EYS: variants seen among roughly 807,000 people sequenced by gnomAD.
EYS encodes the protein protein eyes shut homolog.
EYS carries 250 observed loss-of-function variants against 282.1 expected under a neutral mutation model. The observed-to-expected ratio is 0.89, with a 90% CI of 0.80 to 0.98. The LOEUF (loss-of-function observed/expected upper bound fraction) is 0.98, where lower values mean the gene tolerates loss of function less well. Ranked by LOEUF, EYS falls within the 50% of genes least tolerant of loss-of-function variation. EYS has a pLI of 0.00. For missense variants in EYS, 4,016 were observed against 3,709.0 expected, an observed-to-expected ratio of 1.08 and a Z score of -2.15; for synonymous variants, 1,355 against 1,282.9, an observed-to-expected ratio of 1.06 and a Z score of -1.20.
chr6:64,420,440 C>A (rs1561984926), intron 28 of EYS, among the ~76,000 whole-genome samples: 1 of 152,070 alleles, frequency 6.6e-6, no homozygotes, highest in East Asian at 1.9e-4. Context: ...GTTACTTATG[C>A]AAATTTCTGT....
chr6:65,416,401 C>A (rs1452058831), intron 5 of EYS, among the ~76,000 whole-genome samples: 1 of 151,842 alleles, frequency 6.6e-6, no homozygotes, highest in Non-Finnish European at 1.5e-5. Flanking sequence ...TCAAAAAAGT[C>A]TCTATCTCTC....
intron 31 of EYS, among the ~76,000 whole-genome samples, chr6:64,176,235 T>C (rs1764630304): frequency 6.6e-6 from 1 of 152,090 alleles, no homozygotes; most frequent in African/African-American, 2.4e-5. Flanking sequence ...TTTCATTTTT[T>C]ACTCTGAATC....
intron 26 of EYS, among the ~76,000 whole-genome samples, chr6:64,540,259 G>A (rs1480011396): frequency 6.6e-6 from 1 of 152,094 alleles, no homozygotes; most frequent in East Asian, 1.9e-4. Context: ...CTCTGCTCAA[G>A]GAGCTCACCA....
At chr6:63,763,619 A>G (rs1255975167) in intron 40 of EYS, among the ~76,000 whole-genome samples, 2 of 151,508 alleles carry the variant, frequency 1.3e-5, no homozygotes, top group Non-Finnish European at 2.9e-5. Flanking sequence ...TCCTTCTTCA[A>G]TGGGCGCTCA....
chr6:64,624,275 A>T (rs1767533248), intron 23 of EYS, among the ~76,000 whole-genome samples: 1 of 152,116 alleles, frequency 6.6e-6, no homozygotes, highest in African/African-American at 2.4e-5. Flanking sequence ...AACAAAACTA[A>T]TCTAGCACCT....
intron 30 of EYS, among the ~76,000 whole-genome samples, chr6:64,280,340 A>G (rs1768261543): frequency 6.6e-6 from 1 of 152,090 alleles, no homozygotes; most frequent in Non-Finnish European, 1.5e-5. Flanking sequence ...ACTTAACCTC[A>G]CCTAGATAAG....
intron 12 of EYS, among the ~76,000 whole-genome samples, chr6:65,260,496 C>T (rs1205484748): frequency 6.6e-6 from 1 of 151,956 alleles, no homozygotes; most frequent in Non-Finnish European, 1.5e-5. Flanking sequence ...TTCAAGTACC[C>T]ACCACAATGC....
At chr6:65,245,985 T>C (rs1383366260) in intron 12 of EYS, among the ~76,000 whole-genome samples, 1 of 152,100 alleles carries the variant, frequency 6.6e-6, no homozygotes, top group Non-Finnish European at 1.5e-5. Context: ...ACCAACCTTG[T>C]TGTCTTTCTA....
intron 7 of EYS, among the ~76,000 whole-genome samples, chr6:65,399,959 G>A (rs368161068): frequency 1.3e-5 from 2 of 152,156 alleles, no homozygotes; most frequent in South Asian, 4.1e-4. Context: ...TAGTGTTACT[G>A]TAGAGTGTGA....
intron 31 of EYS, among the ~76,000 whole-genome samples, chr6:64,211,992 T>C (rs999260723): frequency 6.6e-6 from 1 of 151,996 alleles, no homozygotes; most frequent in African/African-American, 2.4e-5. Flanking sequence ...GGCATGTGCC[T>C]GTAATCCCAG....
intron 35 of EYS, among the ~76,000 whole-genome samples, chr6:63,918,902 A>T (rs959096644): frequency 9.2e-5 from 14 of 152,204 alleles, no homozygotes; most frequent in Non-Finnish European, 2.1e-4. Context: ...TAAGTCATGT[A>T]AAAGCTTTCA....
chr6:64,231,008 T>C (rs1456100092), intron 30 of EYS, among the ~76,000 whole-genome samples, 184 bp from the exon 31 acceptor site: 6 of 152,192 alleles, frequency 3.9e-5, no homozygotes, highest in Admixed American at 3.9e-4. Flanking sequence ...ATGTTAAAAA[T>C]TTCTGAGCCA....
intron 15 of EYS, among the ~76,000 whole-genome samples, chr6:64,920,158 T>G (rs1053375702): frequency 6.6e-6 from 1 of 152,092 alleles, no homozygotes; most frequent in African/African-American, 2.4e-5. Context: ...GAATTTAGAT[T>G]TTTTTGTAAG....
At chr6:65,593,698 C>A (rs990263366) in intron 2 of EYS, among the ~76,000 whole-genome samples, 1 of 151,806 alleles carries the variant, frequency 6.6e-6, no homozygotes, top group Non-Finnish European at 1.5e-5. Flanking sequence ...GTATTTCCCA[C>A]GATATTATTT....
At chr6:63,840,198 C>T (rs1285273234) in intron 36 of EYS, among the ~76,000 whole-genome samples, 3 of 128,166 alleles carry the variant, frequency 2.3e-5, no homozygotes, top group Non-Finnish European at 4.9e-5. Flanking sequence ...CAGTTGCCTG[C>T]CACCATGCCC....
chr6:65,619,362 A>T (rs557455185), intron 2 of EYS, among the ~76,000 whole-genome samples: 1 of 151,792 alleles, frequency 6.6e-6, no homozygotes, highest in African/African-American at 2.4e-5. Context: ...TTTGTCTGTT[A>T]TTGGTGTATA....
intron 26 of EYS, among the ~76,000 whole-genome samples, chr6:64,487,632 G>T (rs1272205390): frequency 6.6e-6 from 1 of 150,590 alleles, no homozygotes; most frequent in Non-Finnish European, 1.5e-5. Flanking sequence ...AAAACTATAA[G>T]GATATATTAA....
At chr6:65,379,191 G>T (rs552891285) in intron 8 of EYS, among the ~76,000 whole-genome samples, 1 of 152,146 alleles carries the variant, frequency 6.6e-6, no homozygotes, top group East Asian at 1.9e-4. Flanking sequence ...CAATATCACT[G>T]ATGAACTTCG....
intron 31 of EYS, among the ~76,000 whole-genome samples, chr6:64,181,258 C>T (rs1764779776): frequency 6.6e-6 from 1 of 152,002 alleles, no homozygotes; most frequent in Non-Finnish European, 1.5e-5. Context: ...AGATTAAAAG[C>T]AATGGTCTGC....
Sources: gnomAD v4.1 joint callset for allele counts (sites outside exome capture counted in the v4.1 genomes callset) on GRCh38, gnomAD v4.1.1 for gene constraint, MANE v1.5 for transcripts, NCBI Gene and HGNC (gene_info 2026-07-23, HGNC 2026-07-21) for gene names.